Variants in UVRAG observed in about 807,000 individuals in gnomAD.
UVRAG encodes the protein UV radiation resistance-associated gene protein.
UVRAG carries 19 observed loss-of-function variants against 78.0 expected under a neutral mutation model. The ratio of observed to expected loss-of-function variants is 0.24; its 90% confidence interval spans 0.17 to 0.36. The LOEUF is 0.36. Ranked by LOEUF, UVRAG falls within the 10% of genes least tolerant of loss-of-function variation. The pLI, the probability that UVRAG is intolerant of heterozygous loss-of-function variation, is 1.00. For synonymous variants in UVRAG, 323 were observed against 324.6 expected (o/e 1.00, Z 0.05); for missense variants, 740 against 853.8 (o/e 0.87, Z 1.66).
chr11:75,850,119 A>G (rs891756595), intron 1 of UVRAG, among the ~76,000 whole-genome samples: 4 of 151,928 alleles, frequency 2.6e-5, no homozygotes, highest in Non-Finnish European at 5.9e-5. Context: ...TTACACTCCT[A>G]TGCAAGCATC....
intron 8 of UVRAG, among the ~76,000 whole-genome samples, chr11:75,991,613 T>G (rs926196390): frequency 6.6e-6 from 1 of 152,176 alleles, no homozygotes; most frequent in South Asian, 2.1e-4. Context: ...AGAGGTGATG[T>G]TGAGATTAAA....
intron 6 of UVRAG, among the ~76,000 whole-genome samples, chr11:75,917,447 G>A (rs1947881573): frequency 6.6e-6 from 1 of 152,044 alleles, no homozygotes. Context: ...GAGTTCCTTT[G>A]GCTTGTGAGC....
intron 5 of UVRAG, among the ~76,000 whole-genome samples, chr11:75,893,286 G>A (rs1417723424): frequency 1.3e-5 from 2 of 152,014 alleles, no homozygotes; most frequent in Admixed American, 6.5e-5. Flanking sequence ...GAAGTGGGAA[G>A]AAGCAGAAGA....
chr11:75,866,097 A>T (rs912646630), intron 3 of UVRAG, among the ~76,000 whole-genome samples: 11 of 151,962 alleles, frequency 7.2e-5, no homozygotes, highest in African/African-American at 2.7e-4. Flanking sequence ...TCTCTACCAA[A>T]AAATGCAAAA....
chr11:75,918,327 G>A (rs535480329), intron 6 of UVRAG, among the ~76,000 whole-genome samples: 3 of 150,872 alleles, frequency 2.0e-5, no homozygotes, highest in Admixed American at 6.6e-5. Context: ...GCAGTGAGCC[G>A]AGATCGCGCC....
At chr11:76,136,040 T>C (rs1402490622) in intron 14 of UVRAG, among the ~76,000 whole-genome samples, 1 of 152,230 alleles carries the variant, frequency 6.6e-6, no homozygotes, top group Admixed American at 6.5e-5. Context: ...AGTTTCAACC[T>C]CTTCATCTAG....
At chr11:75,840,811 CT>C (rs1437599378) in intron 1 of UVRAG, among the ~76,000 whole-genome samples, 1 of 152,134 alleles carries the variant, frequency 6.6e-6, no homozygotes, top group Non-Finnish European at 1.5e-5. Context: ...TTAAAGCATT[CT>C]TGTGTTCTTT....
intron 12 of UVRAG, among the ~76,000 whole-genome samples, chr11:76,060,853 C>T (rs903384229): frequency 5.3e-5 from 8 of 152,240 alleles, no homozygotes; most frequent in East Asian, 1.9e-4. Flanking sequence ...CCCCCTCCTC[C>T]GTGGGGATCC....
At chr11:75,920,749 A>G (rs1463230956) in intron 6 of UVRAG, among the ~76,000 whole-genome samples, 2 of 152,122 alleles carry the variant, frequency 1.3e-5, no homozygotes, top group African/African-American at 2.4e-5. Context: ...ATACATTTAT[A>G]TATGTTTTCT....
chr11:76,010,124 A>C (rs1025276012), intron 11 of UVRAG, among the ~76,000 whole-genome samples: 1 of 152,234 alleles, frequency 6.6e-6, no homozygotes, highest in Non-Finnish European at 1.5e-5. Context: ...TATTAATTTT[A>C]GGCAAAGTTG....
At chr11:75,973,981 G>T (rs1355579735) in intron 7 of UVRAG, among the ~76,000 whole-genome samples, 1 of 152,168 alleles carries the variant, frequency 6.6e-6, no homozygotes, top group Non-Finnish European at 1.5e-5. Flanking sequence ...TTGATTCCAA[G>T]TCTTTGCTAT....
chr11:75,878,651 G>T (rs1424397950), intron 3 of UVRAG, among the ~76,000 whole-genome samples: 1 of 152,202 alleles, frequency 6.6e-6, no homozygotes. Flanking sequence ...TCGCGGTTAG[G>T]AGCTGGAGAC....
chr11:75,893,357 A>T (rs1049011159), intron 5 of UVRAG, among the ~76,000 whole-genome samples: 1 of 151,980 alleles, frequency 6.6e-6, no homozygotes, highest in African/African-American at 2.4e-5. Flanking sequence ...TCAGGGTAAA[A>T]TGAGCACTAA....
At chr11:76,058,492 C>A (rs905390662) in intron 12 of UVRAG, among the ~76,000 whole-genome samples, 5 of 149,240 alleles carry the variant, frequency 3.4e-5, no homozygotes, top group African/African-American at 1.2e-4. Flanking sequence ...CATGATCATG[C>A]CACTGCACTC....
intron 1 of UVRAG, among the ~76,000 whole-genome samples, chr11:75,841,656 G>A (rs556160363): frequency 1.3e-5 from 2 of 152,182 alleles, no homozygotes; most frequent in African/African-American, 4.8e-5. Context: ...ACAATTTTAT[G>A]ACTTGTGAAA....
At chr11:76,112,733 T>C (rs886732146) in intron 13 of UVRAG, among the ~76,000 whole-genome samples, 10 of 150,954 alleles carry the variant, frequency 6.6e-5, no homozygotes, top group African/African-American at 2.4e-4. Flanking sequence ...TTCTTTTCTT[T>C]TTTTTTTTTT....
chr11:76,122,280 G>A (rs1487402952), intron 14 of UVRAG, among the ~76,000 whole-genome samples: 1 of 152,192 alleles, frequency 6.6e-6, no homozygotes, highest in Non-Finnish European at 1.5e-5. Context: ...AGCAAAAGAA[G>A]AATTTGGCCA....
At chr11:76,138,549 C>T (rs1332220878) in intron 14 of UVRAG, among the ~76,000 whole-genome samples, 1 of 152,218 alleles carries the variant, frequency 6.6e-6, no homozygotes, top group Non-Finnish European at 1.5e-5. Flanking sequence ...TCCTCTTGTG[C>T]GGCAAGCACT....
intron 12 of UVRAG, among the ~76,000 whole-genome samples, chr11:76,027,092 G>A (rs974706783): frequency 3.9e-5 from 6 of 152,136 alleles, no homozygotes; most frequent in Non-Finnish European, 8.8e-5. Context: ...GAAAGATGAA[G>A]TGAGGTCATA....
Sources: gnomAD v4.1 joint callset for allele counts (sites outside exome capture counted in the v4.1 genomes callset) on GRCh38, gnomAD v4.1.1 for gene constraint, MANE v1.5 for transcripts, NCBI Gene and HGNC (gene_info 2026-07-23, HGNC 2026-07-21) for gene names.